Variants in LZTFL1 observed in about 807,000 individuals in gnomAD.
LZTFL1 encodes the protein leucine zipper transcription factor-like protein 1.
A neutral mutation model predicts 45.9 loss-of-function variants in LZTFL1; 25 were observed. The ratio of observed to expected loss-of-function variants is 0.54; its 90% CI spans 0.40 to 0.76. The LOEUF (loss-of-function observed/expected upper bound fraction) is 0.76, where lower values mean the gene tolerates loss of function less well. Among genes scored for constraint, LZTFL1 ranks in the 30% least tolerant of loss-of-function variants. LZTFL1 has a pLI of 0.00. For synonymous variants in LZTFL1, 93 were observed against 117.4 expected, an observed-to-expected ratio of 0.79 and a Z score of 1.35; for missense variants, 277 against 331.1, an observed-to-expected ratio of 0.84 and a Z score of 1.27.
intron 2 of LZTFL1, chr3:45,913,058 C>G: frequency 6.9e-7 from 1 of 1,459,332 alleles, no homozygotes. Context: ...GAAAACCACT[C>G]CTACAGCTGT....
intron 2 of LZTFL1, among the ~76,000 whole-genome samples, chr3:45,864,397 A>G (rs1197033106): frequency 6.6e-6 from 1 of 152,240 alleles, no homozygotes. Context: ...TTCTTCACTT[A>G]TTGCTACTCA....
chr3:45,825,288 T>C lies in LZTFL1; in HGVS notation c.*1026A>G, dbSNP rs1700636304. On this transcript the variant is annotated 3_prime_UTR_variant, in exon 10 of 10. Coordinates refer to ENST00000296135, the MANE Select transcript of LZTFL1 (RefSeq NM_020347.4). ...TTCCTTCTGAGGGATTATTGCTTTA[T>C]GGACTTGACTTTGTTTATCCTTATA... 6.2e-6 allele frequency: 1 copy of C among 162,310 alleles called. No homozygotes were observed. The highest frequency in any genetic ancestry group is 2.4e-5 in the African/African-American group (1 of 41,982). 10.1% of individuals were successfully genotyped at this position (162,310 alleles called of 1,614,324 possible).
intron 7 of LZTFL1, 37 bp downstream of exon 7, chr3:45,830,876 T>C (rs1559401916): frequency 1.3e-6 from 2 of 1,572,412 alleles, no homozygotes; most frequent in South Asian, 2.2e-5. Flanking sequence ...TCATTCTACT[T>C]AGAAAATGTG....
At chr3:45,904,255 A>G (rs1702635596) in intron 2 of LZTFL1, among the ~76,000 whole-genome samples, 1 of 152,234 alleles carries the variant, frequency 6.6e-6, no homozygotes, top group African/African-American at 2.4e-5. Context: ...TATGTACTTC[A>G]TGTGTCAGAG....
intron 1 of LZTFL1, 127 bp downstream of exon 1, chr3:45,841,862 G>T: frequency 7.9e-7 from 1 of 1,265,472 alleles, no homozygotes; most frequent in South Asian, 1.3e-5. Flanking sequence ...CCCCTTCTCA[G>T]GGAGGCTGAG....
chr3:45,831,588 T>C (rs891216060), intron 5 of LZTFL1, among the ~76,000 whole-genome samples: 1 of 152,222 alleles, frequency 6.6e-6, no homozygotes, highest in Non-Finnish European at 1.5e-5. Context: ...ACTTTTGTTC[T>C]TATACAGCTC....
rs1702573433 is a variant in LZTFL1 at position 45,901,902 on chromosome 3, GT to G, written c.-215+11217del. The G allele has an allele frequency of 6.3e-7, 1 of 1,580,176 alleles. No homozygotes were observed. On this transcript the variant is annotated intron_variant, in intron 2 of 4. Transcript: ENST00000472635. This position sits in a 1 kb window ranked among gnomAD's most constrained non-coding sequence, Gnocchi z 4.3. ...CTCAGGAGCACTCTCCCTCTGAGGG[GT>G]CTTCTCTGAGGTGCATGGTTCTTTT...
intron 5 of LZTFL1, chr3:45,832,700 T>A (rs1354796505): frequency 5.7e-6 from 1 of 175,332 alleles, no homozygotes; most frequent in East Asian, 1.6e-4. Context: ...TAGCTCTGAC[T>A]ATAGGCACGT....
chr3:45,897,634 C>T (rs1177452496), intron 2 of LZTFL1: 46 of 1,532,438 alleles, frequency 3.0e-5, no homozygotes, highest in Non-Finnish European at 3.8e-5. Flanking sequence ...GACCTTAGCC[C>T]AGGACTAACA....
At chr3:45,848,788 G>T (rs1701261888) in intron 4 of LZTFL1, among the ~76,000 whole-genome samples, 1 of 152,098 alleles carries the variant, frequency 6.6e-6, no homozygotes, top group South Asian at 2.1e-4. Flanking sequence ...TTTTGTAATA[G>T]ATTTGTGTAT....
chr3:45,884,628 T>C (rs989915289), intron 2 of LZTFL1, among the ~76,000 whole-genome samples: 1 of 151,540 alleles, frequency 6.6e-6, no homozygotes, highest in Non-Finnish European at 1.5e-5. Flanking sequence ...CTCCAACGTC[T>C]AGGGGCAAGC....
intron 2 of LZTFL1, 129 bp downstream of exon 2, chr3:45,837,798 C>T (rs1252167919): frequency 2.3e-5 from 22 of 960,898 alleles, no homozygotes; most frequent in Non-Finnish European, 2.9e-5. Context: ...CTTAGTGTAG[C>T]TGCTCTTAGC....
intron 2 of LZTFL1, among the ~76,000 whole-genome samples, chr3:45,867,852 A>G (rs377219237): frequency 6.6e-6 from 1 of 152,038 alleles, no homozygotes; most frequent in Non-Finnish European, 1.5e-5. Context: ...TCAAAACAAC[A>G]ACGACAACGA....
At chr3:45,869,840 T>C (rs562548676) in intron 2 of LZTFL1, among the ~76,000 whole-genome samples, 1 of 152,252 alleles carries the variant, frequency 6.6e-6, no homozygotes, top group African/African-American at 2.4e-5. Flanking sequence ...TGAAAGATGA[T>C]GTCATCATCA....
rs769327864 is a variant in LZTFL1 at position 45,835,591 on chromosome 3, G to A, written c.322C>T (p.Arg108Ter). The A allele has an allele frequency of 3.1e-6, 5 of 1,613,088 alleles. No individual in the cohort carries two copies. The highest frequency in any genetic ancestry group is 4.2e-6 in the Non-Finnish European group (5 of 1,179,566). ...AGTTGCAAGTTCAAATTTTATTACC[G>A]GTTTTCAAGTTCAGAGATGTCTGTC... ...LQTDISELENRELLEQVAEFE... is the reference protein window; with the variant it reads ...LQTDISELEN The change falls in exon 3 of 10, where the codon CGA becomes TGA. Residue 108 changes from arginine (R) to a stop codon, truncating the protein, a stop_gained and splice_region_variant. Transcript: ENST00000296135. LOFTEE classifies it high-confidence loss of function.
At chr3:45,912,927 T>C (rs1702825709) in intron 2 of LZTFL1, among the ~76,000 whole-genome samples, 1 of 152,256 alleles carries the variant, frequency 6.6e-6, no homozygotes, top group South Asian at 2.1e-4. Context: ...CAGCCTTTTG[T>C]ATTAACAATC....
chr3:45,888,730 A>G (rs6441932), intron 2 of LZTFL1, among the ~76,000 whole-genome samples: 78,215 of 152,080 alleles, frequency 0.51, 23,302 homozygotes, highest in African/African-American at 0.83. Flanking sequence ...CTGGCAAGAC[A>G]AAAATGAAAG....
In LZTFL1 at chr3:45,901,100, G is replaced by T; in HGVS notation, c.-215+12020C>A. 1.2e-6 allele frequency: 2 copies of T among 1,614,036 alleles called. No homozygotes were observed. Among genetic ancestry groups the T allele is most frequent in the Non-Finnish European group, 1.7e-6 (2 of 1,179,998 alleles). ...TCTTTCTTGTCACTCTTCCCTTCTG[G>T]GCCATTGCTGCTGCTGACCAGTGGA... is the stretch of plus-strand genomic sequence containing the variant. On this transcript the variant is annotated intron_variant, in intron 2 of 4. Coordinates refer to the LZTFL1 transcript ENST00000472635. The surrounding 1 kb of genome is among the most constrained non-coding windows in gnomAD (Gnocchi z 4.3).
At chr3:45,876,877 G>A (rs1204439510) in intron 2 of LZTFL1, among the ~76,000 whole-genome samples, 1 of 152,124 alleles carries the variant, frequency 6.6e-6, no homozygotes, top group Non-Finnish European at 1.5e-5. Context: ...AGGAAGGCTG[G>A]ACCTGGCTGG....
Sources: allele counts gnomAD v4.1 joint callset (sites outside exome capture counted in the v4.1 genomes callset), GRCh38; gene constraint gnomAD v4.1.1; non-coding constraint Gnocchi (gnomAD v3.1); transcripts MANE v1.5; gene names NCBI Gene and HGNC (gene_info 2026-07-23, HGNC 2026-07-21).